PIK3CD: variants seen among roughly 807,000 people sequenced by gnomAD.
PIK3CD encodes phosphatidylinositol-4,5-bisphosphate 3-kinase catalytic subunit delta.
In PIK3CD, 20 loss-of-function variants were observed where a neutral mutation model predicts 122.9. The ratio of observed to expected loss-of-function variants is 0.16; its 90% CI spans 0.11 to 0.24. PIK3CD has a LOEUF of 0.24. Among genes scored for constraint, PIK3CD ranks in the 10% least tolerant of loss-of-function variants. PIK3CD has a pLI of 1.00. For missense variants in PIK3CD, 787 were observed against 1,406.3 expected (o/e 0.56, Z 7.04); for synonymous variants, 596 against 593.4 (o/e 1.00, Z -0.06).
chr1:9,681,437 C>G lies in PIK3CD; in HGVS notation c.-137-10030C>G, dbSNP rs143387514. Among the ~76,000 whole-genome samples, 1,187 of 152,188 alleles carry G rather than the reference C, an allele frequency of 7.8e-3. 35 individuals are homozygous for G. The highest frequency in any genetic ancestry group is 0.049 in the Admixed American group (748 of 15,264). On this transcript the variant is annotated intron_variant, in intron 1 of 23. Coordinates refer to ENST00000377346, the MANE Select transcript of PIK3CD (RefSeq NM_005026.5). Reference sequence around the variant, plus strand: ...GCTTTTTTTGTTTGTTTGTTTGAGACGGAGTCTCACTCTGTCACCCAGGCT... The same window carrying G: ...GCTTTTTTTGTTTGTTTGTTTGAGAGGGAGTCTCACTCTGTCACCCAGGCT...
chr1:9,630,243 C>T, the PIK3CD span, among the ~76,000 whole-genome samples: 10 of 152,350 alleles, frequency 6.6e-5, no homozygotes, highest in South Asian at 4.1e-4. Flanking sequence ...AGCCTCCCTA[C>T]CCCCCGGAGG....
At position 9,721,793 on chromosome 1, in the gene PIK3CD, G is replaced by A. The variant is rs746943903; in HGVS notation, c.1988G>A (p.Arg663His). 2.5e-6 allele frequency: 4 copies of A among 1,613,202 alleles called. No individual in the cohort carries two copies. The highest frequency in any genetic ancestry group is 2.2e-5 in the East Asian group (1 of 44,876). The change falls in exon 16 of 24, where the codon CGC becomes CAC. Residue 663 changes from arginine (R) to histidine (H), a missense_variant. Physicochemically the swap from Arg to His is conservative, Grantham distance 29 (BLOSUM62 0). This residue lies in a region of PIK3CD where 592 missense variants were observed against 920.6 expected (regional missense o/e 0.64). Transcript: ENST00000377346. ...ATGCACGTGCCGTCGGTGGCCCTGC[G>A]CTTCGGCCTCATCCTGGAGGCCTAC... Reference protein sequence around the residue: ...SEMHVPSVALRFGLILEAYCR... With the variant: ...SEMHVPSVALHFGLILEAYCR...
At chr1:9,650,064 TGAAG>T (rs1644643648), upstream of PIK3CD, among the ~76,000 whole-genome samples, 1 of 152,168 alleles carries the variant, frequency 6.6e-6, no homozygotes, top group South Asian at 2.1e-4. Context: ...CAAGACTGGA[TGAAG>T]GCTCAGATGA....
At position 9,718,196 on chromosome 1, in the gene PIK3CD, A is replaced by G; in HGVS notation, c.1021-498A>G. On this transcript the variant is annotated intron_variant, in intron 8 of 23. Transcript: ENST00000377346. The surrounding 1 kb of genome is among the most constrained non-coding windows in gnomAD (Gnocchi z 7.2). Reference sequence around the variant, plus strand: ...GCCTGGAGTGTGTTTCACTGGGGAAATCGTATAAGCAGGGCAGGTCTGGGT... The same window carrying G: ...GCCTGGAGTGTGTTTCACTGGGGAAGTCGTATAAGCAGGGCAGGTCTGGGT... 2 of 464,354 alleles carry G rather than the reference A, an allele frequency of 4.3e-6. No individual in the cohort carries two copies. The highest frequency in any genetic ancestry group is 8.6e-6 in the Non-Finnish European group (2 of 232,824). 28.8% of individuals were successfully genotyped at this position (464,354 alleles called of 1,614,324 possible).
At chr1:9,668,006 G>A (rs981157914) in intron 1 of PIK3CD, among the ~76,000 whole-genome samples, 8 of 144,588 alleles carry the variant, frequency 5.5e-5, no homozygotes, top group Admixed American at 1.5e-4. Context: ...TCCCGCCTTC[G>A]CCTCCCAAAG....
Position 9,717,064 on chromosome 1 carries a change from G to C in PIK3CD, c.886G>C (p.Val296Leu). ...TGAGCAGAGCAACCCTGCCCCCCAGGTCCAGAAACCGCGTGCCAAACCACC... is the reference window on the plus strand; with the variant it reads ...TGAGCAGAGCAACCCTGCCCCCCAGCTCCAGAAACCGCGTGCCAAACCACC... ...RDEQSNPAPQVQKPRAKPPPI... is the reference protein window; with the variant it reads ...RDEQSNPAPQLQKPRAKPPPI... The change falls in exon 7 of 24, where the codon GTC becomes CTC. Residue 296 changes from valine (V) to leucine (L), a missense_variant. By Grantham distance (32) the Val-to-Leu change is conservative. This residue lies in a region of PIK3CD where 592 missense variants were observed against 920.6 expected (regional missense o/e 0.64). Transcript: ENST00000377346. The surrounding 1 kb of genome is among the most constrained non-coding windows in gnomAD (Gnocchi z 5.4). 6.2e-7 allele frequency: 1 copy of C among 1,613,934 alleles called. No homozygotes were observed.
intron 2 of PIK3CD, among the ~76,000 whole-genome samples, chr1:9,698,474 G>C (rs1646503593): frequency 6.6e-6 from 1 of 152,186 alleles, no homozygotes; most frequent in Non-Finnish European, 1.5e-5. Context: ...TTATCAACAA[G>C]CATATGTCAC....
At chr1:9,653,947 T>A in intron 1 of PIK3CD, 1 of 1,361,798 alleles carries the variant, frequency 7.3e-7, no homozygotes, top group Non-Finnish European at 9.8e-7. Context: ...AGCTCATACC[T>A]GTCATCCCAG....
At chr1:9,668,828 C>T (rs559522967) in intron 1 of PIK3CD, among the ~76,000 whole-genome samples, 26 of 152,274 alleles carry the variant, frequency 1.7e-4, no homozygotes, top group African/African-American at 5.8e-4. Context: ...GTGAGCCTCC[C>T]TGAGCAAGCC....
chr1:9,650,277 C>G (rs1644647643), upstream of PIK3CD, among the ~76,000 whole-genome samples: 1 of 152,034 alleles, frequency 6.6e-6, no homozygotes, highest in South Asian at 2.1e-4. Context: ...CAAAAATTAG[C>G]CAGGCACGGT....
rs1042860673 is a variant in PIK3CD at position 9,719,380 on chromosome 1, G to A, written c.1242+465G>A. ...GGGGATTTCTCAAGAAGCCAGGAGG[G>A]CCAGGCGTGGTGGCTCATGCCTGTA... On this transcript the variant is annotated intron_variant, in intron 9 of 23. Transcript: ENST00000377346. The surrounding 1 kb of genome is among the most constrained non-coding windows in gnomAD (Gnocchi z 5.5). 2.0e-5 allele frequency among the ~76,000 whole-genome samples: 3 copies of A among 152,216 alleles called. No homozygotes were observed. The highest frequency in any genetic ancestry group is 2.9e-5 in the Non-Finnish European group (2 of 68,026).
Position 9,718,008 on chromosome 1 carries a change from G to A in PIK3CD, c.1020+382G>A. ...CCCTGGAGGCACCAGGGCGGTGCCT[G>A]CAGCCTGTGAGGGCTGCACCTGCCT... On this transcript the variant is annotated intron_variant, in intron 8 of 23. Coordinates refer to ENST00000377346, the MANE Select transcript of PIK3CD (RefSeq NM_005026.5). This position sits in a 1 kb window ranked among gnomAD's most constrained non-coding sequence, Gnocchi z 7.2. The A allele has an allele frequency of 2.2e-6, 1 of 462,352 alleles. No homozygotes were observed. Among genetic ancestry groups the A allele is most frequent in the Non-Finnish European group, 4.2e-6 (1 of 236,026 alleles). The allele number at this position is 462,352 out of a possible 1,614,324, so 28.6% of individuals were successfully genotyped here.
intron 3 of PIK3CD, among the ~76,000 whole-genome samples, chr1:9,711,085 G>T (rs888255107): frequency 1.3e-5 from 2 of 152,020 alleles, no homozygotes; most frequent in East Asian, 3.9e-4. Flanking sequence ...GCATCCAGCC[G>T]ATAATGGTTT....
chr1:9,692,005 C>T (rs1646213479), intron 2 of PIK3CD: 1 of 153,438 alleles, frequency 6.5e-6, no homozygotes, highest in South Asian at 2.1e-4. Context: ...TGGGGCCGTT[C>T]TGTGTCTTCA....
At chr1:9,697,578 T>G (rs1570280203) in intron 2 of PIK3CD, among the ~76,000 whole-genome samples, 1 of 151,954 alleles carries the variant, frequency 6.6e-6, no homozygotes, top group East Asian at 1.9e-4. Context: ...AAAAAGTTTT[T>G]TTTTAATTAG....
At chr1:9,666,757 T>C (rs1645172530) in intron 1 of PIK3CD, among the ~76,000 whole-genome samples, 1 of 152,164 alleles carries the variant, frequency 6.6e-6, no homozygotes, top group Non-Finnish European at 1.5e-5. Context: ...CAAGCTGGAG[T>C]GCAGTGGTGC....
chr1:9,725,291 C>T (rs1178475494), intron 23 of PIK3CD, among the ~76,000 whole-genome samples: 1 of 152,200 alleles, frequency 6.6e-6, no homozygotes, highest in African/African-American at 2.4e-5. Flanking sequence ...GGGTGGCTCA[C>T]GCCTGTAATC....
At chr1:9,696,900 A>G (rs548569659) in intron 2 of PIK3CD, among the ~76,000 whole-genome samples, 1 of 152,228 alleles carries the variant, frequency 6.6e-6, no homozygotes, top group South Asian at 2.1e-4. Flanking sequence ...GTTTGCATCC[A>G]GCCTGGGCAA....
At chr1:9,683,214 G>A (rs1211156898) in intron 1 of PIK3CD, among the ~76,000 whole-genome samples, 6 of 151,424 alleles carry the variant, frequency 4.0e-5, no homozygotes, top group South Asian at 2.1e-4. Flanking sequence ...AGAGGCGGGC[G>A]GATCACCAGG....
Sources: gnomAD v4.1 joint callset for allele counts (sites outside exome capture counted in the v4.1 genomes callset) on GRCh38, gnomAD v4.1.1 for gene constraint, gnomAD v4.1.1 regional missense constraint, Gnocchi (gnomAD v3.1) non-coding constraint, MANE v1.5 for transcripts, NCBI Gene and HGNC (gene_info 2026-07-23, HGNC 2026-07-21) for gene names.